The following MEGF10 variants were observed in gnomAD, a reference collection of about 807,000 sequenced individuals.
MEGF10 encodes the protein multiple epidermal growth factor-like domains protein 10.
MEGF10 carries 86 observed loss-of-function variants against 147.5 expected under a neutral mutation model. That is an observed-to-expected ratio of 0.58 (90% CI 0.49 to 0.70). The LOEUF (loss-of-function observed/expected upper bound fraction) is 0.70. Among genes scored for constraint, MEGF10 ranks in the 30% least tolerant of loss-of-function variants. The pLI is 0.00. For missense variants in MEGF10, 1,329 were observed against 1,487.3 expected (o/e 0.89, Z 1.75); for synonymous variants, 478 against 525.5 (o/e 0.91, Z 1.24).
the MEGF10 span, among the ~76,000 whole-genome samples, chr5:127,236,264 C>T: frequency 1.3e-5 from 2 of 152,196 alleles, no homozygotes; most frequent in Non-Finnish European, 2.9e-5. Flanking sequence ...AGCCACCAGG[C>T]CCAGCTAGCA....
chr5:127,280,257 G>A, the MEGF10 span, among the ~76,000 whole-genome samples: 1 of 152,118 alleles, frequency 6.6e-6, no homozygotes, highest in Admixed American at 6.5e-5. Flanking sequence ...AACATTTGCT[G>A]GTTCTAAGTA....
chr5:127,352,708 T>C (rs72788505), intron 4 of MEGF10, among the ~76,000 whole-genome samples: 8,785 of 152,268 alleles, frequency 0.058, 297 homozygotes, highest in Non-Finnish European at 0.082. Flanking sequence ...CCATTTGTAT[T>C]TTGGCTTTAG....
At chr5:127,389,193 T>C (rs1223536943) in intron 5 of MEGF10, among the ~76,000 whole-genome samples, 1 of 152,202 alleles carries the variant, frequency 6.6e-6, no homozygotes, top group Non-Finnish European at 1.5e-5. Flanking sequence ...CTAAATATCC[T>C]CTATGTGCTT....
At chr5:127,248,379 G>T in the MEGF10 span, among the ~76,000 whole-genome samples, 7 of 151,870 alleles carry the variant, frequency 4.6e-5, no homozygotes, top group Non-Finnish European at 1.0e-4. Flanking sequence ...CCATAACAAA[G>T]ATTTAAAAAA....
At position 127,443,107 on chromosome 5, in the gene MEGF10, G is replaced by A; in HGVS notation, c.2472G>A (p.Lys824=). 1 of 1,613,524 alleles carries A rather than the reference G, an allele frequency of 6.2e-7. No homozygotes were observed. Among genetic ancestry groups the A allele is most frequent in the South Asian group, 1.1e-5 (1 of 90,966 alleles). The change falls in exon 19 of 25, where the codon AAG becomes AAA. Residue 824 remains lysine (K), a synonymous_variant. Transcript: ENST00000503335. ...TGTCYCSPGW[K]GARCDQAGVI... ...CCTGTTACTGCAGCCCCGGATGGAA[G>A]GGAGCGAGATGTGATCAAGGTAAAT...
intron 5 of MEGF10, among the ~76,000 whole-genome samples, chr5:127,390,064 C>A (rs1312470795): frequency 1.3e-5 from 2 of 152,144 alleles, no homozygotes. Flanking sequence ...TTTAGAAAAC[C>A]TGGTTAAACC....
chr5:127,270,560 C>T, the MEGF10 span, among the ~76,000 whole-genome samples: 1 of 152,314 alleles, frequency 6.6e-6, no homozygotes, highest in Admixed American at 6.5e-5. Context: ...GCACCCAATA[C>T]AGGAGCACCC....
rs1049524062 is a variant in MEGF10, at chr5:127,459,562, A to G, written c.*2244A>G. On this transcript the variant is annotated 3_prime_UTR_variant, in exon 25 of 25. Transcript: ENST00000503335. The stretch of plus-strand genomic sequence containing the variant: ...CCCATTGTTCTCTAGAGCTAGGTCA[A>G]AAAAACAACTGTTTCTTTTCTTATT... 1.3e-5 allele frequency: 2 copies of G among 152,206 alleles called. No individual in the cohort carries two copies. Among genetic ancestry groups the G allele is most frequent in the African/African-American group, 4.8e-5 (2 of 41,442 alleles). 9.4% of individuals were successfully genotyped at this position (152,206 alleles called of 1,614,324 possible).
the MEGF10 span, among the ~76,000 whole-genome samples, chr5:127,251,842 G>A: frequency 1.9e-4 from 29 of 151,818 alleles, 1 homozygote; most frequent in Non-Finnish European, 3.2e-4. Flanking sequence ...AAAAGACGTA[G>A]TAACATAATA....
intron 24 of MEGF10, among the ~76,000 whole-genome samples, chr5:127,456,561 A>G (rs1478072295): frequency 1.3e-5 from 2 of 152,190 alleles, no homozygotes; most frequent in Admixed American, 6.5e-5. Flanking sequence ...CATCCCTGGG[A>G]AAAAATATAC....
intron 4 of MEGF10, among the ~76,000 whole-genome samples, chr5:127,358,498 T>C (rs1457965129): frequency 6.7e-6 from 1 of 148,500 alleles, no homozygotes. Flanking sequence ...ACAATATTTG[T>C]AAAAGAATTT....
the MEGF10 span, among the ~76,000 whole-genome samples, chr5:127,285,188 G>A: frequency 1.3e-5 from 2 of 152,080 alleles, no homozygotes; most frequent in Admixed American, 1.3e-4. Context: ...ATTTGTTCAA[G>A]AGCATCGTGG....
At chr5:127,429,184 T>C (rs558889672) in intron 13 of MEGF10, among the ~76,000 whole-genome samples, 2 of 152,358 alleles carry the variant, frequency 1.3e-5, no homozygotes, top group South Asian at 2.1e-4. Context: ...AAAGTTTCTA[T>C]CTGTTTTTTG....
intron 10 of MEGF10, 122 bp from the exon 11 acceptor site, chr5:127,418,998 A>T (rs1349070410): frequency 1.6e-6 from 2 of 1,217,198 alleles, no homozygotes; most frequent in African/African-American, 3.0e-5. Flanking sequence ...TTTTAAAAAT[A>T]CAGTGTGTTA....
At chr5:127,256,721 T>C in the MEGF10 span, among the ~76,000 whole-genome samples, 1 of 152,192 alleles carries the variant, frequency 6.6e-6, no homozygotes, top group Non-Finnish European at 1.5e-5. Context: ...TTATATCACA[T>C]GGTCTAATTG....
At chr5:127,417,867 C>T in intron 10 of MEGF10, 55 bp downstream of exon 10, 1 of 1,547,942 alleles carries the variant, frequency 6.5e-7, no homozygotes, top group Non-Finnish European at 8.8e-7. Flanking sequence ...TGAAGCATCT[C>T]AATACCATGA....
intron 16 of MEGF10, among the ~76,000 whole-genome samples, chr5:127,436,414 A>G (rs1765554870): frequency 6.6e-6 from 1 of 152,164 alleles, no homozygotes; most frequent in Non-Finnish European, 1.5e-5. Flanking sequence ...GAGCTAATAA[A>G]TCTCAGAAGT....
At chr5:127,275,674 G>A in the MEGF10 span, among the ~76,000 whole-genome samples, 1 of 152,128 alleles carries the variant, frequency 6.6e-6, no homozygotes, top group Admixed American at 6.5e-5. Context: ...CACTTCTCAG[G>A]CTTCTGGCCT....
chr5:127,331,169 C>T (rs879038068), intron 1 of MEGF10, 122 bp from the exon 2 acceptor site: 59 of 587,200 alleles, frequency 1.0e-4, no homozygotes, highest in Middle Eastern at 6.8e-4. Flanking sequence ...TATTGAAATA[C>T]ATGGCTTGTT....
Sources: allele counts gnomAD v4.1 joint callset (sites outside exome capture counted in the v4.1 genomes callset), GRCh38; gene constraint gnomAD v4.1.1; transcripts MANE v1.5; gene names NCBI Gene and HGNC (gene_info 2026-07-23, HGNC 2026-07-21).